ZRANB3: variants seen among roughly 807,000 people sequenced by gnomAD.
ZRANB3 encodes DNA annealing helicase and endonuclease ZRANB3.
ZRANB3 carries 125 observed loss-of-function variants against 133.8 expected under a neutral mutation model. That is an observed-to-expected ratio of 0.93 (90% CI 0.81 to 1.08). The LOEUF (loss-of-function observed/expected upper bound fraction) is 1.08, where lower values mean the gene tolerates loss of function less well. Ranked by LOEUF, ZRANB3 falls within the 50% of genes least tolerant of loss-of-function variation. ZRANB3 has a pLI of 0.00. For synonymous variants in ZRANB3, 387 were observed against 432.7 expected, an observed-to-expected ratio of 0.89 and a Z score of 1.31; for missense variants, 1,229 against 1,275.5, an observed-to-expected ratio of 0.96 and a Z score of 0.56.
rs1030956637 is a variant in ZRANB3, at chr2:135,377,310, T to C, written c.180+13492A>G. ...AAATACACACACAAGTTAGTATATA[T>C]AATCTCCTTGCTCTATAAGCTGATA... On this transcript the variant is annotated intron_variant, in intron 3 of 20. Transcript: ENST00000264159. 3.9e-5 allele frequency among the ~76,000 whole-genome samples: 6 copies of C among 152,194 alleles called. No individual in the cohort carries two copies. The East Asian group carries it at 1.2e-3, about 29-fold the overall frequency.
intron 3 of ZRANB3, among the ~76,000 whole-genome samples, chr2:135,359,697 C>G (rs1369943025): frequency 6.6e-6 from 1 of 151,966 alleles, no homozygotes; most frequent in Non-Finnish European, 1.5e-5. Flanking sequence ...GAAGATCATA[C>G]CCTATGGTAT....
intron 2 of ZRANB3, among the ~76,000 whole-genome samples, chr2:135,392,434 T>C (rs1173803613): frequency 6.6e-6 from 1 of 151,660 alleles, no homozygotes; most frequent in African/African-American, 2.4e-5. Flanking sequence ...TATAATCTTA[T>C]AAGATTTATT....
chr2:135,224,876 T>C (rs1360840442), intron 14 of ZRANB3, among the ~76,000 whole-genome samples: 5 of 152,182 alleles, frequency 3.3e-5, no homozygotes, highest in Non-Finnish European at 5.9e-5. Flanking sequence ...CTAGAGTAGA[T>C]TTGAGACCGA....
intron 3 of ZRANB3, among the ~76,000 whole-genome samples, chr2:135,360,116 C>T (rs977122630): frequency 6.6e-6 from 1 of 152,266 alleles, no homozygotes; most frequent in South Asian, 2.1e-4. Flanking sequence ...CAGTGGCTCA[C>T]ACCTGTAATC....
chr2:135,340,722 G>A (rs1032562174), intron 6 of ZRANB3, among the ~76,000 whole-genome samples: 4 of 151,944 alleles, frequency 2.6e-5, no homozygotes, highest in African/African-American at 4.8e-5. Context: ...GTGTGGTGGC[G>A]GCACGCGCCT....
At chr2:135,501,340 T>A (rs1364432096) in intron 2 of ZRANB3, among the ~76,000 whole-genome samples, 2 of 152,164 alleles carry the variant, frequency 1.3e-5, no homozygotes, top group East Asian at 3.8e-4. Flanking sequence ...ACTCAAAATG[T>A]TTCTGAACAT....
At chr2:135,392,356 G>A (rs76988059) in intron 2 of ZRANB3, among the ~76,000 whole-genome samples, 11,129 of 73,184 alleles carry the variant, frequency 0.15, 1,101 homozygotes, top group African/African-American at 0.43. Context: ...AAAAAAAAAA[G>A]GGGGGGGGGG....
chr2:135,295,637 T>G (rs1338431222), intron 8 of ZRANB3, among the ~76,000 whole-genome samples: 1 of 152,214 alleles, frequency 6.6e-6, no homozygotes, highest in Non-Finnish European at 1.5e-5. Context: ...TAGCTGGTTA[T>G]TTTGCTCATT....
chr2:135,227,876 A>G lies in ZRANB3; in HGVS notation c.2094T>C (p.Ala698=). The change falls in exon 14 of 21, where the codon GCT becomes GCC. Residue 698 remains alanine, a synonymous_variant. Coordinates refer to ENST00000264159, the MANE Select transcript of ZRANB3 (RefSeq NM_032143.4). The part of the protein sequence containing the change: ...ALAQSEPGQL[A]DSKEETPKIE... ...TTTTTGGTGTTTCTTCCTTGCTGTC[A>G]GCCAACTGGCCAGGTTCTGACTGTG... The G allele has an allele frequency of 1.3e-6, 2 of 1,574,052 alleles. No homozygotes were observed. The highest frequency in any genetic ancestry group is 2.3e-5 in the South Asian group (2 of 85,560).
chr2:135,277,509 G>C (rs1200978563), intron 8 of ZRANB3, among the ~76,000 whole-genome samples: 1 of 151,918 alleles, frequency 6.6e-6, no homozygotes, highest in African/African-American at 2.4e-5. Flanking sequence ...AGATCAGTAT[G>C]CTACAAAAAA....
intron 2 of ZRANB3, among the ~76,000 whole-genome samples, chr2:135,440,401 TAA>T (rs532839374): frequency 1.4e-5 from 2 of 140,678 alleles, no homozygotes; most frequent in Admixed American, 7.1e-5. Flanking sequence ...AGGCTCTGTC[TAA>T]AAAAAAAAAA....
intron 13 of ZRANB3, 152 bp from the exon 14 acceptor site, chr2:135,228,167 C>G: frequency 1.6e-6 from 1 of 636,212 alleles, no homozygotes; most frequent in Non-Finnish European, 2.6e-6. Flanking sequence ...ATACCCAGTA[C>G]TATTCTAGAT....
chr2:135,266,076 G>A (rs1400664227), intron 11 of ZRANB3, among the ~76,000 whole-genome samples: 6 of 152,108 alleles, frequency 3.9e-5, no homozygotes, highest in Admixed American at 3.9e-4. Flanking sequence ...GGGCGTGGTG[G>A]CAGGCGCCTG....
chr2:135,433,404 CA>C (rs528809565), intron 2 of ZRANB3, among the ~76,000 whole-genome samples: 3 of 151,868 alleles, frequency 2.0e-5, no homozygotes, highest in Non-Finnish European at 2.9e-5. Flanking sequence ...CAAAACAAAA[CA>C]AAAAACAGCA....
At chr2:135,529,565 C>T (rs943326892) in intron 1 of ZRANB3, among the ~76,000 whole-genome samples, 3 of 152,008 alleles carry the variant, frequency 2.0e-5, no homozygotes, top group Non-Finnish European at 4.4e-5. Context: ...TGCAGTGGCG[C>T]GATCTCGGGT....
intron 1 of ZRANB3, among the ~76,000 whole-genome samples, chr2:135,507,629 G>A (rs866648994): frequency 6.6e-5 from 10 of 151,468 alleles, no homozygotes; most frequent in Admixed American, 6.6e-4. Flanking sequence ...AAAAAAAAAT[G>A]TTGCTGTCTA....
intron 3 of ZRANB3, among the ~76,000 whole-genome samples, chr2:135,381,948 A>T (rs1686720609): frequency 6.6e-6 from 1 of 152,256 alleles, no homozygotes; most frequent in Non-Finnish European, 1.5e-5. Flanking sequence ...CTCCTCCTCC[A>T]GAGGAACGCA....
At chr2:135,433,928 C>T (rs150189857) in intron 2 of ZRANB3, among the ~76,000 whole-genome samples, 4,821 of 152,204 alleles carry the variant, frequency 0.032, 242 homozygotes, top group African/African-American at 0.11. Context: ...ACCTGGGAGG[C>T]GGAGGTTGCG....
chr2:135,432,282 T>C (rs1689355923), intron 2 of ZRANB3, among the ~76,000 whole-genome samples: 1 of 151,904 alleles, frequency 6.6e-6, no homozygotes, highest in South Asian at 2.1e-4. Context: ...AAATGGACCA[T>C]AGTAAAAAAA....
Sources: gnomAD v4.1 joint callset for allele counts (sites outside exome capture counted in the v4.1 genomes callset) on GRCh38, gnomAD v4.1.1 for gene constraint, MANE v1.5 for transcripts, NCBI Gene and HGNC (gene_info 2026-07-23, HGNC 2026-07-21) for gene names.